The following SH3TC1 variants were observed in gnomAD, a reference collection of about 807,000 sequenced individuals.
The protein encoded by SH3TC1 is SH3 domain and tetratricopeptide repeats 1, also known as SH3 domain and tetratricopeptide repeat-containing protein 1.
SH3TC1 carries 135 observed loss-of-function variants against 117.3 expected under a neutral mutation model. That is an observed-to-expected ratio of 1.15 (90% CI 1.00 to 1.33). The LOEUF is 1.33. SH3TC1 is among the 40% of genes most tolerant of loss of function. The pLI, the probability that SH3TC1 is intolerant of heterozygous loss-of-function variation, is 0.00. For missense variants in SH3TC1, 2,092 were observed against 1,794.3 expected (o/e 1.17, Z -3.00); for synonymous variants, 898 against 816.9 (o/e 1.10, Z -1.69).
rs201937072 is a variant in SH3TC1 at position 8,217,098 on chromosome 4, C to G, written c.770C>G (p.Pro257Arg). The change falls in exon 7 of 18, where the codon CCG (proline) becomes CGG (arginine). Residue 257 changes from proline to arginine, a missense_variant. Coordinates refer to ENST00000245105, the MANE Select transcript of SH3TC1 (RefSeq NM_018986.5). ...EAAPETDSSPPSPSVSSEEVA... is the reference protein window; with the variant it reads ...EAAPETDSSPRSPSVSSEEVA... ...GCCCCGGAAACAGACTCTTCACCGC[C>G]GAGCCCCAGCGTGTCCTCCGAGGAG... 6.2e-7 allele frequency: 1 copy of G among 1,613,188 alleles called. No homozygotes were observed.
At position 8,210,323 on chromosome 4, in the gene SH3TC1, G is replaced by A. The variant is rs1036855595; in HGVS notation, c.247+501G>A. The stretch of plus-strand genomic sequence containing the variant: ...TACCCTGGAGACCCCCCAACCCCCC[G>A]CTGGGGAGGAATGGAGACCCCAGCA... On this transcript the variant is annotated intron_variant, in intron 3 of 17. Coordinates refer to ENST00000245105, the MANE Select transcript of SH3TC1 (RefSeq NM_018986.5). This position sits in a 1 kb window ranked among gnomAD's most constrained non-coding sequence, Gnocchi z 4.1. Among the ~76,000 whole-genome samples, 8 of 152,232 alleles carry A rather than the reference G, an allele frequency of 5.3e-5. No individual in the cohort carries two copies. Among genetic ancestry groups the A allele is most frequent in the Non-Finnish European group, 1.0e-4 (7 of 68,026 alleles).
chr4:8,219,442 C>CT lies in SH3TC1; in HGVS notation c.1025dup (p.Pro343AlafsTer38), dbSNP rs768714209. ...GATCCTTGGGGCGCAGGTGCCCAGC[C>CT]TGCCCTGGTGCGTGGGCCGACACGC... On this transcript the variant is annotated frameshift_variant, in exon 9 of 18. Transcript: ENST00000245105. LOFTEE classifies it high-confidence loss of function. 2 of 1,611,108 alleles carry CT rather than the reference C, an allele frequency of 1.2e-6. No individual in the cohort carries two copies. The highest frequency in any genetic ancestry group is 1.7e-6 in the Non-Finnish European group (2 of 1,178,520).
chr4:8,227,327 C>T lies in SH3TC1; in HGVS notation c.1633C>T (p.Gln545Ter). The T allele has an allele frequency of 6.2e-7, 1 of 1,609,312 alleles. No homozygotes were observed. Among genetic ancestry groups the T allele is most frequent in the Non-Finnish European group, 8.5e-7 (1 of 1,178,448 alleles). The change falls in exon 12 of 18, where the codon CAG (glutamine) becomes TAG (stop). Residue 545 changes from glutamine (Q) to a stop codon, truncating the protein, a stop_gained. Coordinates refer to ENST00000245105, the MANE Select transcript of SH3TC1 (RefSeq NM_018986.5). LOFTEE classifies it high-confidence loss of function. ...GGAGGAGCTGACTGGGCGCCTGGCA[C>T]AGGCCCGGGGGGCGGCCAAGAAAGC... is the stretch of plus-strand genomic sequence containing the variant. Reference protein sequence around the residue: ...DEEELTGRLAQARGAAKKAGL... With the variant: ...DEEELTGRLA
Position 8,209,759 on chromosome 4 carries a change from C to T in SH3TC1, c.184C>T (p.Pro62Ser). The T allele has an allele frequency of 1.2e-6, 2 of 1,613,768 alleles. No homozygotes were observed. Among genetic ancestry groups the T allele is most frequent in the Non-Finnish European group, 1.7e-6 (2 of 1,180,002 alleles). Reference protein sequence around the residue: ...KAPVRGDEAPPARVAGPAAGT... With the variant: ...KAPVRGDEAPSARVAGPAAGT... ...CTGCTGTGTTGCAGACGAGGCTCCT[C>T]CTGCCCGCGTGGCTGGGCCTGCTGC... is the stretch of plus-strand genomic sequence containing the variant. The change falls in exon 3 of 18, where the codon CCT (proline) becomes TCT (serine). Residue 62 changes from proline to serine, a missense_variant. Pro to Ser is a moderately conservative substitution (Grantham distance 74, BLOSUM62 -1). Transcript: ENST00000245105. This position sits in a 1 kb window ranked among gnomAD's most constrained non-coding sequence, Gnocchi z 5.9.
At chr4:8,217,273 G>A (rs917381604) in intron 7 of SH3TC1, 106 bp downstream of exon 7, 20 of 1,346,782 alleles carry the variant, frequency 1.5e-5, no homozygotes, top group East Asian at 1.0e-4. Context: ...TGGGGGCCCC[G>A]GACAGACCTG....
intron 1 of SH3TC1, among the ~76,000 whole-genome samples, chr4:8,191,535 A>G (rs1292535027): frequency 6.6e-6 from 1 of 152,188 alleles, no homozygotes; most frequent in Non-Finnish European, 1.5e-5. Context: ...GGCCAGAAAT[A>G]ACACATGGTG....
At position 8,205,154 on chromosome 4, in the gene SH3TC1, C is replaced by G. The variant is rs984036033; in HGVS notation, c.-28-13C>G. 41 of 1,464,704 alleles carry G rather than the reference C, an allele frequency of 2.8e-5. No homozygotes were observed. Among genetic ancestry groups the G allele is most frequent in the Non-Finnish European group, 3.6e-5 (40 of 1,107,368 alleles). 90.7% of individuals were successfully genotyped at this position (1,464,704 alleles called of 1,614,324 possible). A position where few individuals can be genotyped will look rare whatever the true frequency, so the allele number is the denominator to read the frequency against. Reference sequence around the variant, plus strand: ...GGGGCCACCTCTCCTGACCACACCCCCTCTGTCCACAGGGCCAGGCATGTG... The same window carrying G: ...GGGGCCACCTCTCCTGACCACACCCGCTCTGTCCACAGGGCCAGGCATGTG... On this transcript the variant is annotated splice_polypyrimidine_tract_variant and intron_variant, in intron 1 of 17. Transcript: ENST00000245105. The surrounding 1 kb of genome is among the most constrained non-coding windows in gnomAD (Gnocchi z 5.4).
In SH3TC1 at chr4:8,209,554, T is replaced by C. The variant is rs1192944437; in HGVS notation, c.173-194T>C. ...GAGTGTGGGGCAGCTTGTCACAGCA[T>C]GCTGGGAAGTGCAGGCAGCTTCCCT... On this transcript the variant is annotated intron_variant, in intron 2 of 17. Coordinates refer to ENST00000245105, the MANE Select transcript of SH3TC1 (RefSeq NM_018986.5). The surrounding 1 kb of genome is among the most constrained non-coding windows in gnomAD (Gnocchi z 5.9). 6 of 1,283,868 alleles carry C rather than the reference T, an allele frequency of 4.7e-6. No individual in the cohort carries two copies. The highest frequency in any genetic ancestry group is 6.5e-6 in the Non-Finnish European group (6 of 924,330). 79.5% of individuals were successfully genotyped at this position (1,283,868 alleles called of 1,614,324 possible).
At chr4:8,222,397 A>C (rs888313577) in intron 9 of SH3TC1, among the ~76,000 whole-genome samples, 9 of 112,282 alleles carry the variant, frequency 8.0e-5, no homozygotes, top group African/African-American at 2.8e-4. Context: ...TTTTTCAGAC[A>C]AAGTCTTGCT....
At chr4:8,238,034 A>G (rs538052938) in intron 17 of SH3TC1, among the ~76,000 whole-genome samples, 8 of 152,208 alleles carry the variant, frequency 5.3e-5, no homozygotes, top group African/African-American at 4.8e-5. Flanking sequence ...GGGTAGGGAG[A>G]AGGACATTTG....
At chr4:8,234,945 C>T (rs538845352) in intron 14 of SH3TC1, among the ~76,000 whole-genome samples, 42 of 152,344 alleles carry the variant, frequency 2.8e-4, no homozygotes, top group African/African-American at 9.4e-4. Flanking sequence ...AACTGGGAAG[C>T]CCAAGAGCCT....
upstream of SH3TC1, among the ~76,000 whole-genome samples, chr4:8,197,223 A>G (rs1219209581): frequency 6.6e-6 from 1 of 152,128 alleles, no homozygotes; most frequent in Non-Finnish European, 1.5e-5. Context: ...GGAGCCCCAG[A>G]GGCTGGAGCA....
chr4:8,221,434 T>TGGTAGC (rs1719910603), intron 9 of SH3TC1, among the ~76,000 whole-genome samples: 1 of 152,220 alleles, frequency 6.6e-6, no homozygotes, highest in Admixed American at 6.5e-5. Context: ...GTGAACAACC[T>TGGTAGC]GGTAGCTCTT....
intron 14 of SH3TC1, among the ~76,000 whole-genome samples, chr4:8,234,284 CATCA>C (rs1221284312): frequency 1.3e-5 from 2 of 151,908 alleles, no homozygotes; most frequent in Non-Finnish European, 2.9e-5. Flanking sequence ...TTTATCCATC[CATCA>C]TTCATCCATC....
In SH3TC1 at chr4:8,207,877, A is replaced by T. The variant is rs560061841; in HGVS notation, c.173-1871A>T. ...GCTTTTCAACTGGAGGATGGTGTTT[A>T]GAAGCTGTTGGGCCGGAACTCTATC... On this transcript the variant is annotated intron_variant, in intron 2 of 17. Coordinates refer to ENST00000245105, the MANE Select transcript of SH3TC1 (RefSeq NM_018986.5). 1.6e-4 allele frequency among the ~76,000 whole-genome samples: 25 copies of T among 152,310 alleles called. No individual in the cohort carries two copies. The South Asian group carries it at 5.2e-3, about 32-fold the overall frequency.
Position 8,205,037 on chromosome 4 carries a change from C to T in SH3TC1, c.-28-130C>T, listed in dbSNP as rs1348687229. On this transcript the variant is annotated intron_variant, in intron 1 of 17. Transcript: ENST00000245105. This position sits in a 1 kb window ranked among gnomAD's most constrained non-coding sequence, Gnocchi z 5.4. Reference sequence around the variant, plus strand: ...ACACGGTGCACGGTGCGGTGAGGGGCTCGCTGGATCTGAAAGGTGCAGGCG... The same window carrying T: ...ACACGGTGCACGGTGCGGTGAGGGGTTCGCTGGATCTGAAAGGTGCAGGCG... 1 of 665,364 alleles carries T rather than the reference C, an allele frequency of 1.5e-6. No homozygotes were observed. Among genetic ancestry groups the T allele is most frequent in the African/African-American group, 1.8e-5 (1 of 54,418 alleles). The allele number at this position is 665,364 out of a possible 1,614,324, so 41.2% of individuals were successfully genotyped here. A position where few individuals can be genotyped will look rare whatever the true frequency, so the allele number is the denominator to read the frequency against.
intron 17 of SH3TC1, among the ~76,000 whole-genome samples, chr4:8,239,931 C>G (rs1338772494): frequency 6.6e-6 from 1 of 152,274 alleles, no homozygotes; most frequent in Admixed American, 6.5e-5. Context: ...TTCTCGCACC[C>G]CTGCCCTGTG....
At chr4:8,200,002 G>A (rs1202955229) in intron 1 of SH3TC1, among the ~76,000 whole-genome samples, 2 of 152,228 alleles carry the variant, frequency 1.3e-5, no homozygotes, top group Non-Finnish European at 2.9e-5. Context: ...GCCGGGGCGT[G>A]TGCTCCTGTG....
intron 15 of SH3TC1, chr4:8,235,894 G>A (rs1721766206): frequency 2.8e-6 from 1 of 362,518 alleles, no homozygotes; most frequent in Non-Finnish European, 5.0e-6. Flanking sequence ...GGGAGGCCCA[G>A]GGCCAGGGCC....
Sources: allele counts gnomAD v4.1 joint callset (sites outside exome capture counted in the v4.1 genomes callset), GRCh38; gene constraint gnomAD v4.1.1; non-coding constraint Gnocchi (gnomAD v3.1); transcripts MANE v1.5; gene names NCBI Gene and HGNC (gene_info 2026-07-23, HGNC 2026-07-21).